Variants in MYO3B observed in about 807,000 individuals in gnomAD.
The protein encoded by MYO3B is myosin IIIB.
Under a neutral mutation model 174.6 loss-of-function variants are expected in MYO3B, and 156 were observed. The ratio of observed to expected loss-of-function variants is 0.89; its 90% CI spans 0.78 to 1.02. The LOEUF is 1.02. MYO3B is among the 50% of genes least tolerant of loss of function. The probability of loss-of-function intolerance (pLI) is 0.00; values close to 1 mark genes in which losing one functional copy is unlikely to be tolerated. For missense variants in MYO3B, 1,632 were observed against 1,639.4 expected, an observed-to-expected ratio of 1.00 and a Z score of 0.08; for synonymous variants, 563 against 569.1, an observed-to-expected ratio of 0.99 and a Z score of 0.15.
intron 32 of MYO3B, among the ~76,000 whole-genome samples, chr2:170,545,392 G>T (rs1248004613): frequency 6.6e-6 from 1 of 152,204 alleles, no homozygotes; most frequent in Non-Finnish European, 1.5e-5. Context: ...GCATAGCATA[G>T]TGTCTGGCTC....
At chr2:170,273,626 G>A (rs926936460) in intron 7 of MYO3B, among the ~76,000 whole-genome samples, 2 of 151,836 alleles carry the variant, frequency 1.3e-5, no homozygotes, top group Non-Finnish European at 2.9e-5. Flanking sequence ...TTCCTCTCAC[G>A]TACTTCATCT....
chr2:170,427,877 T>C (rs377039547), intron 22 of MYO3B, among the ~76,000 whole-genome samples: 4 of 152,316 alleles, frequency 2.6e-5, no homozygotes, highest in African/African-American at 7.2e-5. Context: ...AAAAAGCTCG[T>C]ATAAGTGATT....
At position 170,274,593 on chromosome 2, in the gene MYO3B, A is replaced by G. The variant is rs1424501900; in HGVS notation, c.749+38457A>G. 2.0e-5 allele frequency among the ~76,000 whole-genome samples: 3 copies of G among 152,144 alleles called. 1 individual carries two copies. Among genetic ancestry groups the G allele is most frequent in the Non-Finnish European group, 4.4e-5 (3 of 68,026 alleles). On this transcript the variant is annotated intron_variant, in intron 7 of 34. Coordinates refer to ENST00000408978, the MANE Select transcript of MYO3B (RefSeq NM_138995.5). ...TGTAGAGTCAAAACCTGAAAGGCAT[A>G]GGGTTGTGTGAGGAAGAGAGGGAAC...
At chr2:170,360,674 G>A (rs2094153893) in intron 8 of MYO3B, among the ~76,000 whole-genome samples, 1 of 152,212 alleles carries the variant, frequency 6.6e-6, no homozygotes, top group Non-Finnish European at 1.5e-5. Flanking sequence ...ATTAAGAGGT[G>A]GGTTCTTTAA....
chr2:170,189,207 C>G (rs1261218918), intron 1 of MYO3B, among the ~76,000 whole-genome samples: 1 of 152,018 alleles, frequency 6.6e-6, no homozygotes, highest in Non-Finnish European at 1.5e-5. Context: ...GACTGGAGCT[C>G]TTTGTATGTA....
In MYO3B at chr2:170,623,189, A is replaced by G. The variant is rs186461316; in HGVS notation, c.3734-28439A>G. Among the ~76,000 whole-genome samples, 766 of 152,262 alleles carry G rather than the reference A, an allele frequency of 5.0e-3. 6 individuals are homozygous for G. Among genetic ancestry groups the G allele is most frequent in the African/African-American group, 0.018 (731 of 41,544 alleles). ...GTTGAACTAGTGTACAGTCCCACCA[A>G]CAGTGTAAAACTGTTCCTATTTCTC... On this transcript the variant is annotated intron_variant, in intron 32 of 34. Transcript: ENST00000408978.
At position 170,401,572 on chromosome 2, in the gene MYO3B, C is replaced by T; in HGVS notation, c.2010C>T (p.Ala670=). 1 of 1,614,174 alleles carries T rather than the reference C, an allele frequency of 6.2e-7. No homozygotes were observed. The highest frequency in any genetic ancestry group is 8.5e-7 in the Non-Finnish European group (1 of 1,180,028). Reference sequence around the variant, plus strand: ...CCCGGGGCGAGACCATCATCCGTGCCAACACTGTAGACAGGGCTGCGGACG... The same window carrying T: ...CCCGGGGCGAGACCATCATCCGTGCTAACACTGTAGACAGGGCTGCGGACG... ...VVTRGETIIR[A]NTVDRAADVR... Residue 670 remains alanine, a synonymous_variant, in exon 18 of 35, where the codon GCC becomes GCT. Transcript: ENST00000408978.
intron 23 of MYO3B, among the ~76,000 whole-genome samples, chr2:170,450,805 T>A (rs1683556807): frequency 6.6e-6 from 1 of 152,178 alleles, no homozygotes; most frequent in South Asian, 2.1e-4. Flanking sequence ...GTTAAACAGA[T>A]CAATTTTTTT....
intron 25 of MYO3B, among the ~76,000 whole-genome samples, chr2:170,475,379 A>G (rs1685251395): frequency 6.6e-6 from 1 of 152,140 alleles, no homozygotes; most frequent in Non-Finnish European, 1.5e-5. Flanking sequence ...GCCTACAAGC[A>G]ACCGAAGACT....
chr2:170,272,348 G>A (rs1173814774), intron 7 of MYO3B, among the ~76,000 whole-genome samples: 2 of 152,232 alleles, frequency 1.3e-5, no homozygotes, highest in East Asian at 3.9e-4. Flanking sequence ...CTGCCTTGGT[G>A]TAACCCTCAT....
At chr2:170,605,057 T>C (rs1039496610) in intron 32 of MYO3B, among the ~76,000 whole-genome samples, 1 of 152,218 alleles carries the variant, frequency 6.6e-6, no homozygotes, top group Admixed American at 6.5e-5. Context: ...AGAACCCCTT[T>C]GGGTCCTACC....
chr2:170,503,158 C>T (rs967892882), intron 28 of MYO3B, among the ~76,000 whole-genome samples: 2 of 152,188 alleles, frequency 1.3e-5, no homozygotes, highest in African/African-American at 4.8e-5. Context: ...CAAAGGCCAA[C>T]ATGTGTTTTA....
Position 170,617,441 on chromosome 2 carries a change from A to G in MYO3B, c.3734-34187A>G, listed in dbSNP as rs796907201. ...TGAACTAATATGCAACTTTCCTGCTAATAACATATATGGTGGTTTAACACA... is the reference window on the plus strand; with the variant it reads ...TGAACTAATATGCAACTTTCCTGCTGATAACATATATGGTGGTTTAACACA... On this transcript the variant is annotated intron_variant, in intron 32 of 34. Transcript: ENST00000408978. Among the ~76,000 whole-genome samples, 5 of 152,356 alleles carry G rather than the reference A, an allele frequency of 3.3e-5. No homozygotes were observed. The South Asian group carries it at 1.0e-3, about 32-fold the overall frequency.
intron 30 of MYO3B, among the ~76,000 whole-genome samples, chr2:170,529,214 C>T (rs115663840): frequency 0.013 from 1,945 of 152,030 alleles, 41 homozygotes; most frequent in African/African-American, 0.044. Flanking sequence ...GGTTAGAGGT[C>T]GGGAGGAGGA....
chr2:170,346,628 T>A (rs1469675355), intron 8 of MYO3B, among the ~76,000 whole-genome samples: 2 of 152,220 alleles, frequency 1.3e-5, no homozygotes, highest in Non-Finnish European at 2.9e-5. Flanking sequence ...TATGTTAAAT[T>A]CCTCCTCCTC....
chr2:170,244,743 G>A (rs980908640), intron 7 of MYO3B, among the ~76,000 whole-genome samples: 10 of 152,122 alleles, frequency 6.6e-5, no homozygotes, highest in Admixed American at 5.9e-4. Context: ...GAATTAGCAC[G>A]GGTTCATTGT....
At chr2:170,405,092 G>C (rs1302430712) in intron 20 of MYO3B, among the ~76,000 whole-genome samples, 1 of 152,316 alleles carries the variant, frequency 6.6e-6, no homozygotes. Flanking sequence ...CAAAGATCGT[G>C]TGTTAAAGGA....
At chr2:170,571,561 A>C (rs1223821507) in intron 32 of MYO3B, among the ~76,000 whole-genome samples, 3 of 152,178 alleles carry the variant, frequency 2.0e-5, no homozygotes, top group Non-Finnish European at 4.4e-5. Context: ...CAGAGGCATG[A>C]CATGTTCATT....
chr2:170,267,390 T>C (rs1000351544), intron 7 of MYO3B, among the ~76,000 whole-genome samples: 7 of 152,214 alleles, frequency 4.6e-5, no homozygotes, highest in Admixed American at 1.3e-4. Flanking sequence ...TACCTAATTA[T>C]AAGGCTGGGA....
Sources: allele counts gnomAD v4.1 joint callset (sites outside exome capture counted in the v4.1 genomes callset), GRCh38; gene constraint gnomAD v4.1.1; transcripts MANE v1.5; gene names NCBI Gene and HGNC (gene_info 2026-07-23, HGNC 2026-07-21).